KYNU: variants seen among roughly 807,000 people sequenced by gnomAD.
The protein encoded by KYNU is kynureninase, also known as L-kynurenine hydrolase.
In KYNU, 54 loss-of-function variants were observed where a neutral mutation model predicts 59.2. The observed-to-expected ratio is 0.91, with a 90% CI of 0.73 to 1.14. The LOEUF (loss-of-function observed/expected upper bound fraction) is 1.14, where lower values mean the gene tolerates loss of function less well. KYNU is among the 50% of genes most tolerant of loss of function. The pLI, the probability that KYNU is intolerant of heterozygous loss-of-function variation, is 0.00. For missense variants in KYNU, 567 were observed against 554.4 expected (o/e 1.02, Z -0.23); for synonymous variants, 177 against 192.0 (o/e 0.92, Z 0.65).
intron 2 of KYNU, among the ~76,000 whole-genome samples, chr2:142,910,463 G>T (rs351706): frequency 0.56 from 85,140 of 151,910 alleles, 24,911 homozygotes; most frequent in African/African-American, 0.71. Flanking sequence ...TCCTTATAGA[G>T]TCTGGATATT....
chr2:142,997,776 A>T (rs1181797109), intron 10 of KYNU, among the ~76,000 whole-genome samples: 1 of 152,116 alleles, frequency 6.6e-6, no homozygotes, highest in African/African-American at 2.4e-5. Flanking sequence ...GGTGAGAGAT[A>T]AGGGGTTTAA....
At chr2:142,945,998 A>G (rs1683765370) in intron 4 of KYNU, among the ~76,000 whole-genome samples, 1 of 152,114 alleles carries the variant, frequency 6.6e-6, no homozygotes, top group Admixed American at 6.5e-5. Flanking sequence ...TTGGCCTCCC[A>G]AAGTGCTAGG....
chr2:143,023,345 A>T (rs1054011542), intron 10 of KYNU, among the ~76,000 whole-genome samples: 7 of 151,904 alleles, frequency 4.6e-5, no homozygotes, highest in African/African-American at 1.7e-4. Context: ...GGTCAGCAAT[A>T]TATACTTTTT....
At chr2:142,927,195 T>A (rs1683070701) in intron 3 of KYNU, among the ~76,000 whole-genome samples, 1 of 152,232 alleles carries the variant, frequency 6.6e-6, no homozygotes, top group Non-Finnish European at 1.5e-5. Flanking sequence ...TAAAATGGTA[T>A]CATGAGTATA....
chr2:142,940,209 A>C (rs968175034), intron 4 of KYNU, among the ~76,000 whole-genome samples: 12 of 152,258 alleles, frequency 7.9e-5, no homozygotes, highest in African/African-American at 2.9e-4. Flanking sequence ...CTGGAAAAAG[A>C]ATTTGCATTT....
intron 10 of KYNU, among the ~76,000 whole-genome samples, chr2:143,026,889 A>C (rs1686589464): frequency 6.6e-6 from 1 of 152,168 alleles, no homozygotes; most frequent in African/African-American, 2.4e-5. Flanking sequence ...TACGCCACCA[A>C]GCTGTCCCTC....
intron 10 of KYNU, among the ~76,000 whole-genome samples, chr2:143,010,900 C>G (rs1260311643): frequency 6.9e-6 from 1 of 145,154 alleles, no homozygotes; most frequent in African/African-American, 2.6e-5. Flanking sequence ...ACACCTTATA[C>G]AAAAATCAAT....
chr2:142,988,553 T>C (rs1466905376), intron 10 of KYNU, among the ~76,000 whole-genome samples: 1 of 151,930 alleles, frequency 6.6e-6, no homozygotes, highest in Admixed American at 6.6e-5. Flanking sequence ...TTCATGGCTG[T>C]TTATTTTGTG....
chr2:142,992,043 T>C (rs74394852), intron 10 of KYNU, among the ~76,000 whole-genome samples: 1,539 of 152,082 alleles, frequency 0.01, 19 homozygotes, highest in Middle Eastern at 0.02. Context: ...TTGCTGATTA[T>C]ATAATATCAT....
At chr2:142,944,272 T>C (rs911688701) in intron 4 of KYNU, among the ~76,000 whole-genome samples, 1 of 152,178 alleles carries the variant, frequency 6.6e-6, no homozygotes, top group Non-Finnish European at 1.5e-5. Flanking sequence ...TAATTAGAAG[T>C]GCTGAAATAC....
chr2:142,989,712 G>A (rs1454115241), intron 10 of KYNU: 1 of 160,746 alleles, frequency 6.2e-6, no homozygotes, highest in Non-Finnish European at 1.3e-5. Flanking sequence ...GGAAACCTGA[G>A]GGGGCATTCT....
chr2:142,883,411 G>A (rs145072707), intron 1 of KYNU, among the ~76,000 whole-genome samples: 1 of 151,780 alleles, frequency 6.6e-6, no homozygotes, highest in Non-Finnish European at 1.5e-5. Context: ...TGTTAGCCAG[G>A]ACGGTCTTGA....
At chr2:143,020,421 T>C (rs1478481833) in intron 10 of KYNU, among the ~76,000 whole-genome samples, 1 of 152,166 alleles carries the variant, frequency 6.6e-6, no homozygotes, top group East Asian at 1.9e-4. Flanking sequence ...TTAATTTCCA[T>C]GTATTTGTAC....
intron 8 of KYNU, 57 bp from the exon 9 acceptor site, chr2:142,985,027 A>C (rs1225968296): frequency 6.1e-6 from 6 of 989,522 alleles, no homozygotes; most frequent in African/African-American, 1.6e-5. Flanking sequence ...AAATATTTGT[A>C]CTTATTATTT....
intron 3 of KYNU, among the ~76,000 whole-genome samples, chr2:142,925,255 AAG>A (rs1683014004): frequency 6.6e-6 from 1 of 152,218 alleles, no homozygotes; most frequent in South Asian, 2.1e-4. Flanking sequence ...GAAATCAAGA[AAG>A]AGGCAAGCTG....
intron 10 of KYNU, among the ~76,000 whole-genome samples, chr2:143,025,564 C>T (rs1686528075): frequency 6.6e-6 from 1 of 151,968 alleles, no homozygotes; most frequent in African/African-American, 2.4e-5. Context: ...TATTCTATAC[C>T]CTTAATTGTA....
chr2:142,944,323 C>A (rs560540072), intron 4 of KYNU, among the ~76,000 whole-genome samples: 9 of 152,260 alleles, frequency 5.9e-5, no homozygotes, highest in African/African-American at 2.2e-4. Flanking sequence ...TCTTTGAGAC[C>A]AGAATGCAGT....
At chr2:142,937,955 A>T (rs1683449637) in intron 4 of KYNU, among the ~76,000 whole-genome samples, 1 of 152,246 alleles carries the variant, frequency 6.6e-6, no homozygotes, top group African/African-American at 2.4e-5. Context: ...TGTAACTATC[A>T]CCATCATAAA....
chr2:142,910,930 T>C (rs1682460111), intron 2 of KYNU, among the ~76,000 whole-genome samples: 1 of 152,182 alleles, frequency 6.6e-6, no homozygotes, highest in African/African-American at 2.4e-5. Context: ...TTGGTCTATG[T>C]ATATGTTTTG....
Sources: allele counts gnomAD v4.1 joint callset (sites outside exome capture counted in the v4.1 genomes callset), GRCh38; gene constraint gnomAD v4.1.1; transcripts MANE v1.5; gene names NCBI Gene and HGNC (gene_info 2026-07-23, HGNC 2026-07-21).